The following MTFR1L variants were observed in gnomAD, a reference collection of about 807,000 sequenced individuals.
The protein encoded by MTFR1L is mitochondrial fission regulator 1-like.
A neutral mutation model predicts 27.9 loss-of-function variants in MTFR1L; 10 were observed. The ratio of observed to expected loss-of-function variants is 0.36; its 90% confidence interval spans 0.22 to 0.61. The LOEUF is 0.61. Among genes scored for constraint, MTFR1L ranks in the 20% least tolerant of loss-of-function variants. The pLI is 0.73. For missense variants in MTFR1L, 315 were observed against 363.7 expected, an observed-to-expected ratio of 0.87 and a Z score of 1.09; for synonymous variants, 151 against 139.4, an observed-to-expected ratio of 1.08 and a Z score of -0.58.
rs1329225063 is a variant in MTFR1L, at chr1:25,829,711, C to G, written c.654C>G (p.His218Gln). 1.2e-6 allele frequency: 2 copies of G among 1,614,142 alleles called. No individual in the cohort carries two copies. Among genetic ancestry groups the G allele is most frequent in the East Asian group, 4.5e-5 (2 of 44,888 alleles). ...GCCCTGAATGTTGCAAACCAGAACA[C>G]AAAGCTGCCTGCAGTTCGTCTGAAG... ...SASPECCKPE[H>Q]KAACSSSEED... The change falls in exon 6 of 7, where the codon CAC becomes CAG. Residue 218 changes from histidine to glutamine, a missense_variant. Physicochemically the swap from His to Gln is conservative, Grantham distance 24 (BLOSUM62 0). Coordinates refer to ENST00000374303, the MANE Select transcript of MTFR1L (RefSeq NM_001099625.2).
intron 1 of MTFR1L, 39 bp downstream of exon 1, chr1:25,820,068 G>A: frequency 2.5e-6 from 1 of 407,326 alleles, no homozygotes; most frequent in South Asian, 1.7e-5. Flanking sequence ...GCGGGAGCGC[G>A]ACCTTCCAGC....
chr1:25,820,817 C>T (rs551958370), intron 1 of MTFR1L: 32 of 401,658 alleles, frequency 8.0e-5, no homozygotes, highest in Admixed American at 3.4e-4. Flanking sequence ...CCGTGCTGTG[C>T]GCGGGGATCA....
At chr1:25,820,899 T>A (rs1453022034) in intron 1 of MTFR1L, 1 of 345,710 alleles carries the variant, frequency 2.9e-6, no homozygotes, top group Non-Finnish European at 5.5e-6. Context: ...GGAAAGGACC[T>A]GACCCTGTCG....
intron 5 of MTFR1L, among the ~76,000 whole-genome samples, chr1:25,828,244 CTT>C (rs2048192445): frequency 6.6e-6 from 1 of 152,120 alleles, no homozygotes; most frequent in African/African-American, 2.4e-5. Context: ...AATTGGTGGA[CTT>C]TTTTGGTGGA....
intron 1 of MTFR1L, chr1:25,820,271 C>T (rs2124465616): frequency 2.2e-6 from 1 of 456,004 alleles, no homozygotes. Flanking sequence ...CTAGTTTCGG[C>T]TTCGCTGCTT....
intron 1 of MTFR1L, chr1:25,821,933 G>A (rs1297824028): frequency 6.6e-6 from 1 of 152,196 alleles, no homozygotes; most frequent in Non-Finnish European, 1.5e-5. Flanking sequence ...TAGCCCCTAC[G>A]GTGCCCAGCA....
chr1:25,822,141 G>A (rs2048102247), intron 1 of MTFR1L: 1 of 152,194 alleles, frequency 6.6e-6, no homozygotes, highest in African/African-American at 2.4e-5. Flanking sequence ...AGCCTCCAGT[G>A]GCAGCTTTTC....
chr1:25,822,104 C>T (rs2048101766), intron 1 of MTFR1L: 1 of 152,210 alleles, frequency 6.6e-6, no homozygotes, highest in African/African-American at 2.4e-5. Context: ...AGCACTCAAC[C>T]CCATTTCACT....
At chr1:25,825,563 ATTTATT>A (rs2048156573) in intron 3 of MTFR1L, 1 of 152,172 alleles carries the variant, frequency 6.6e-6, no homozygotes, top group African/African-American at 2.4e-5. Context: ...TTGTATAATC[ATTTATT>A]TTTATTTAAA....
At chr1:25,823,318 G>A in intron 2 of MTFR1L, 190 bp downstream of exon 2, 1 of 731,796 alleles carries the variant, frequency 1.4e-6, no homozygotes, top group Non-Finnish European at 2.5e-6. Context: ...CACTTCAGGA[G>A]TCAGTGTATG....
At chr1:25,830,399 A>AACTT (rs1306263068) in intron 6 of MTFR1L, among the ~76,000 whole-genome samples, 1 of 152,214 alleles carries the variant, frequency 6.6e-6, no homozygotes, top group East Asian at 1.9e-4. Flanking sequence ...ATACACCTTT[A>AACTT]ACTTACTAAA....
chr1:25,826,154 T>C lies in MTFR1L; in HGVS notation c.130-148T>C. On this transcript the variant is annotated intron_variant, in intron 3 of 6. Transcript: ENST00000374303. The surrounding 1 kb of genome is among the most constrained non-coding windows in gnomAD (Gnocchi z 4.1). ...TGACTGTCATCTGGCCTCTGTTCAA[T>C]GTTTTCGACCAGGAACCTTCTTCTG... 1 of 627,712 alleles carries C rather than the reference T, an allele frequency of 1.6e-6. No homozygotes were observed. The highest frequency in any genetic ancestry group is 2.8e-6 in the Non-Finnish European group (1 of 352,906). 38.9% of individuals were successfully genotyped at this position (627,712 alleles called of 1,614,324 possible). A position where few individuals can be genotyped will look rare whatever the true frequency, so the allele number is the denominator to read the frequency against.
In MTFR1L at chr1:25,829,672, G is replaced by T. The variant is rs1158572609; in HGVS notation, c.615G>T (p.Leu205=). ...VEVPELPSVP[L]LCSASPECCK... Reference sequence around the variant, plus strand: ...TCCCTGAGCTTCCATCAGTCCCCCTGCTTTGTTCTGCCAGCCCTGAATGTT... The same window carrying T: ...TCCCTGAGCTTCCATCAGTCCCCCTTCTTTGTTCTGCCAGCCCTGAATGTT... The change falls in exon 6 of 7, where the codon CTG becomes CTT. Residue 205 remains leucine, a synonymous_variant. Transcript: ENST00000374303. 6.2e-7 allele frequency: 1 copy of T among 1,614,038 alleles called. No individual in the cohort carries two copies. The highest frequency in any genetic ancestry group is 1.7e-5 in the Admixed American group (1 of 59,996).
At chr1:25,822,725 A>G (rs2048112741) in intron 1 of MTFR1L, 1 of 479,764 alleles carries the variant, frequency 2.1e-6, no homozygotes, top group South Asian at 2.5e-5. Context: ...ACAGGGCTTC[A>G]CTGTGTTAGC....
At chr1:25,828,963 A>G (rs2048202821) in intron 5 of MTFR1L, among the ~76,000 whole-genome samples, 1 of 152,164 alleles carries the variant, frequency 6.6e-6, no homozygotes, top group African/African-American at 2.4e-5. Context: ...TTTTAGAAAC[A>G]TAGTTTTTAG....
intron 1 of MTFR1L, chr1:25,821,603 A>G (rs963250525): frequency 1.4e-4 from 21 of 152,336 alleles, no homozygotes; most frequent in African/African-American, 5.1e-4. Flanking sequence ...TTGTCAGTCT[A>G]GTCTATCTCC....
intron 3 of MTFR1L, 43 bp downstream of exon 3, chr1:25,823,791 G>C: frequency 6.2e-7 from 1 of 1,603,518 alleles, no homozygotes; most frequent in Non-Finnish European, 8.5e-7. Context: ...CTCAGACAGT[G>C]CTGCTTCTGT....
intron 6 of MTFR1L, among the ~76,000 whole-genome samples, chr1:25,830,310 A>G (rs2048221637): frequency 6.6e-6 from 1 of 152,226 alleles, no homozygotes; most frequent in Non-Finnish European, 1.5e-5. Context: ...ACATTCAGTG[A>G]TTTGAGAATA....
At chr1:25,820,753 C>A (rs917594509) in intron 1 of MTFR1L, 1 of 440,792 alleles carries the variant, frequency 2.3e-6, no homozygotes. Context: ...TTGGTGTTCC[C>A]CTTCATTCGT....
Sources: gnomAD v4.1 joint callset for allele counts (sites outside exome capture counted in the v4.1 genomes callset) on GRCh38, gnomAD v4.1.1 for gene constraint, Gnocchi (gnomAD v3.1) non-coding constraint, MANE v1.5 for transcripts, NCBI Gene and HGNC (gene_info 2026-07-23, HGNC 2026-07-21) for gene names.